The following NPAS3 variants were observed in gnomAD, a reference collection of about 807,000 sequenced individuals.
NPAS3 encodes neuronal PAS domain-containing protein 3.
Under a neutral mutation model 73.1 loss-of-function variants are expected in NPAS3, and 14 were observed. The observed-to-expected ratio is 0.19, with a 90% CI of 0.13 to 0.30. The LOEUF (loss-of-function observed/expected upper bound fraction) is 0.30. Ranked by LOEUF, NPAS3 falls within the 10% of genes least tolerant of loss-of-function variation. The probability of loss-of-function intolerance (pLI) is 1.00; values close to 1 mark genes in which losing one functional copy is unlikely to be tolerated. For synonymous variants in NPAS3, 620 were observed against 541.5 expected, an observed-to-expected ratio of 1.14 and a Z score of -2.01; for missense variants, 1,096 against 1,250.0, an observed-to-expected ratio of 0.88 and a Z score of 1.86.
intron 7 of NPAS3, among the ~76,000 whole-genome samples, chr14:33,761,714 A>C (rs1423647102): frequency 6.6e-6 from 1 of 152,224 alleles, no homozygotes; most frequent in African/African-American, 2.4e-5. Context: ...AATAGCAAAG[A>C]AGATGACTTG....
At chr14:32,948,252 T>A (rs2139118166) in intron 1 of NPAS3, among the ~76,000 whole-genome samples, 1 of 152,292 alleles carries the variant, frequency 6.6e-6, no homozygotes, top group South Asian at 2.1e-4. Context: ...TTAAAAAATT[T>A]ATATTTTGGG....
chr14:33,058,380 T>G (rs1273823284), intron 2 of NPAS3, among the ~76,000 whole-genome samples: 1 of 152,222 alleles, frequency 6.6e-6, no homozygotes, highest in African/African-American at 2.4e-5. Context: ...AATTTCCTGA[T>G]TCTGTGGTGT....
At chr14:33,224,593 G>A (rs922999415) in intron 3 of NPAS3, among the ~76,000 whole-genome samples, 1 of 152,008 alleles carries the variant, frequency 6.6e-6, no homozygotes, top group African/African-American at 2.4e-5. Flanking sequence ...TTACAGAGTT[G>A]GAACTAGAAT....
At chr14:33,796,313 T>G (rs1266449568) in intron 10 of NPAS3, among the ~76,000 whole-genome samples, 2 of 152,210 alleles carry the variant, frequency 1.3e-5, no homozygotes, top group African/African-American at 4.8e-5. Context: ...AACAGAATTA[T>G]AGACTCAGAG....
chr14:33,673,264 G>T (rs2059663308), intron 5 of NPAS3, among the ~76,000 whole-genome samples: 1 of 152,178 alleles, frequency 6.6e-6, no homozygotes, highest in Non-Finnish European at 1.5e-5. Flanking sequence ...GGTCAAGTGG[G>T]CTCTGAACCA....
intron 7 of NPAS3, among the ~76,000 whole-genome samples, chr14:33,754,345 G>A (rs1038662749): frequency 6.6e-6 from 1 of 152,130 alleles, no homozygotes; most frequent in Non-Finnish European, 1.5e-5. Flanking sequence ...CAAGAGGAGG[G>A]AGGAGAGGAA....
At chr14:33,611,503 G>A (rs1294481646) in intron 5 of NPAS3, among the ~76,000 whole-genome samples, 1 of 151,932 alleles carries the variant, frequency 6.6e-6, no homozygotes, top group Non-Finnish European at 1.5e-5. Context: ...TCTTAGACCG[G>A]GGGAGCTAAA....
intron 6 of NPAS3, among the ~76,000 whole-genome samples, chr14:33,714,997 G>T (rs1037052338): frequency 3.9e-5 from 6 of 152,176 alleles, no homozygotes; most frequent in African/African-American, 1.4e-4. Flanking sequence ...AGGAAAACTA[G>T]ACATTCTCTT....
At chr14:33,661,089 A>C (rs993594473) in intron 5 of NPAS3, among the ~76,000 whole-genome samples, 9 of 98,628 alleles carry the variant, frequency 9.1e-5, no homozygotes. Flanking sequence ...CAGTATGATC[A>C]GTAAAAGGAA....
At chr14:33,731,937 C>A (rs940128199) in intron 6 of NPAS3, among the ~76,000 whole-genome samples, 1 of 151,946 alleles carries the variant, frequency 6.6e-6, no homozygotes, top group Non-Finnish European at 1.5e-5. Flanking sequence ...CAGAGCTGGG[C>A]GCAACTGGGC....
rs572620366 is a variant in NPAS3 at position 33,557,833 on chromosome 14, G to T, written c.469-2288G>T. On this transcript the variant is annotated intron_variant, in intron 4 of 11. Coordinates refer to ENST00000356141, the Ensembl canonical transcript of NPAS3. ...AAATACAAAAAATTAGCCAGGCGTG[G>T]TGGCGGGTGCCCGTAGTCCCAGCTA... 4.6e-5 allele frequency among the ~76,000 whole-genome samples: 7 copies of T among 152,336 alleles called. No homozygotes were observed. The South Asian group carries it at 1.4e-3, about 32-fold the overall frequency.
At chr14:33,652,204 A>G (rs562936828) in intron 5 of NPAS3, among the ~76,000 whole-genome samples, 1 of 152,312 alleles carries the variant, frequency 6.6e-6, no homozygotes, top group Admixed American at 6.5e-5. Context: ...TGGCATCCTT[A>G]TATTTTGTTG....
In NPAS3 at chr14:33,705,595, G is replaced by A. The variant is rs145877886; in HGVS notation, c.733+29210G>A. On this transcript the variant is annotated intron_variant, in intron 6 of 11. Transcript: ENST00000356141. ...GTTGAAGCCTCTAATAATACAGGGC[G>A]TGGAGAAGCTATGTAGAAAAAAAGA... Among the ~76,000 whole-genome samples the A allele has an allele frequency of 2.5e-3, 387 of 152,298 alleles. 1 individual carries two copies. Among genetic ancestry groups the A allele is most frequent in the African/African-American group, 8.7e-3 (362 of 41,556 alleles).
intron 7 of NPAS3, among the ~76,000 whole-genome samples, chr14:33,766,616 C>CTA (rs2062470946): frequency 2.0e-5 from 3 of 152,174 alleles, no homozygotes; most frequent in Admixed American, 2.0e-4. Context: ...TGCTGGTCTT[C>CTA]TATCCTTAAG....
chr14:33,433,239 C>G (rs1224774294), intron 4 of NPAS3, among the ~76,000 whole-genome samples: 2 of 152,066 alleles, frequency 1.3e-5, no homozygotes. Context: ...TCAGTAGGCT[C>G]ATATTATTAT....
At chr14:33,627,882 T>A (rs2058265698) in intron 5 of NPAS3, among the ~76,000 whole-genome samples, 1 of 152,204 alleles carries the variant, frequency 6.6e-6, no homozygotes, top group Non-Finnish European at 1.5e-5. Context: ...AACAAAGAGA[T>A]GTCCAAATAG....
At chr14:33,258,109 G>A (rs911530601) in intron 3 of NPAS3, among the ~76,000 whole-genome samples, 1 of 152,126 alleles carries the variant, frequency 6.6e-6, no homozygotes, top group African/African-American at 2.4e-5. Context: ...AATTAAGAAA[G>A]TTAGGCTAGG....
chr14:33,374,309 A>G (rs1323530500), intron 4 of NPAS3, among the ~76,000 whole-genome samples: 1 of 152,130 alleles, frequency 6.6e-6, no homozygotes, highest in East Asian at 1.9e-4. Flanking sequence ...TCAGATTTAG[A>G]AGAAAGTCAG....
chr14:33,507,525 C>T (rs890136951), intron 4 of NPAS3, among the ~76,000 whole-genome samples: 2 of 151,866 alleles, frequency 1.3e-5, no homozygotes, highest in African/African-American at 4.8e-5. Flanking sequence ...CATTGTTGTT[C>T]TTTCCCAAGC....
Sources: gnomAD v4.1 joint callset for allele counts (sites outside exome capture counted in the v4.1 genomes callset) on GRCh38, gnomAD v4.1.1 for gene constraint, MANE v1.5 for transcripts, NCBI Gene and HGNC (gene_info 2026-07-23, HGNC 2026-07-21) for gene names.